AMMECR1: variants seen among roughly 807,000 people sequenced by gnomAD.
AMMECR1 encodes the protein nuclear protein AMMECR1.
Under a neutral mutation model 22.5 loss-of-function variants are expected in AMMECR1, and 3 were observed. The observed-to-expected ratio is 0.13, with a 90% CI of 0.06 to 0.35. The LOEUF is 0.35. Ranked by LOEUF, AMMECR1 falls within the 10% of genes least tolerant of loss-of-function variation. The probability of loss-of-function intolerance (pLI) is 1.00; values close to 1 mark genes in which losing one functional copy is unlikely to be tolerated. For missense variants in AMMECR1, 235 were observed against 278.7 expected (o/e 0.84, Z 1.12); for synonymous variants, 130 against 116.7 (o/e 1.11, Z -0.74).
intron 2 of AMMECR1, among the ~76,000 whole-genome samples, chrX:110,263,425 C>T (rs191860808): frequency 9.0e-6 from 1 of 111,403 alleles, no homozygotes; most frequent in East Asian, 2.8e-4. Flanking sequence ...CTGAGAAAAC[C>T]CTGCAGCTGT....
chrX:110,337,609 A>G (rs2068146133), intron 2 of AMMECR1, among the ~76,000 whole-genome samples: 1 of 111,831 alleles, frequency 8.9e-6, no homozygotes, highest in Non-Finnish European at 1.9e-5. Flanking sequence ...ACTCTTGTAT[A>G]CAGTTGGTGG....
intron 1 of AMMECR1, among the ~76,000 whole-genome samples, chrX:110,311,718 G>A (rs757471373): frequency 3.4e-4 from 38 of 111,923 alleles, no homozygotes; most frequent in Non-Finnish European, 6.4e-4. Context: ...CTTCCTTTGG[G>A]TTATTTTCTT....
At chrX:110,437,719 G>A (rs2068849416) in intron 1 of AMMECR1, among the ~76,000 whole-genome samples, 1 of 111,591 alleles carries the variant, frequency 9.0e-6, no homozygotes, top group African/African-American at 3.3e-5. Flanking sequence ...AGGGTGGGAA[G>A]GGGGTCTCAA....
At chrX:110,318,360 C>G (rs2068064807), upstream of AMMECR1, 1 of 111,714 alleles carries the variant, frequency 9.0e-6, no homozygotes. Context: ...TCTCTCCGGC[C>G]GGCAGAGGTT....
chrX:110,231,954 A>G (rs1349265321), intron 2 of AMMECR1, among the ~76,000 whole-genome samples: 1 of 111,959 alleles, frequency 8.9e-6, no homozygotes, highest in East Asian at 2.8e-4. Context: ...TCAATGCAAC[A>G]AGAAGAGCTA....
At chrX:110,229,500 T>C (rs182891240) in intron 2 of AMMECR1, among the ~76,000 whole-genome samples, 2 of 112,009 alleles carry the variant, frequency 1.8e-5, no homozygotes, top group African/African-American at 3.3e-5. Context: ...AGAAAGGAAA[T>C]AGCTTCATTT....
chrX:110,390,343 CAA>C (rs1392478955), intron 2 of AMMECR1, among the ~76,000 whole-genome samples: 1 of 111,632 alleles, frequency 9.0e-6, no homozygotes, highest in African/African-American at 3.3e-5. Flanking sequence ...TTTTAAATTT[CAA>C]AGTGAAAATA....
chrX:110,323,263 G>A (rs1424575098), intron 2 of AMMECR1, among the ~76,000 whole-genome samples: 1 of 111,708 alleles, frequency 9.0e-6, no homozygotes, highest in African/African-American at 3.3e-5. Flanking sequence ...ATTCACAAAG[G>A]ATACCATCCA....
chrX:110,238,174 C>T (rs964726380), intron 2 of AMMECR1, among the ~76,000 whole-genome samples: 1 of 111,767 alleles, frequency 8.9e-6, no homozygotes. Flanking sequence ...ACAAGCAAAT[C>T]GGTGTCACTA....
chrX:110,213,087 T>C (rs2148168653), intron 3 of AMMECR1, among the ~76,000 whole-genome samples: 1 of 112,382 alleles, frequency 8.9e-6, no homozygotes, highest in African/African-American at 3.2e-5. Flanking sequence ...ATAAAGTTTA[T>C]TTTCCATTTT....
At chrX:110,243,612 A>G (rs1319815135) in intron 2 of AMMECR1, among the ~76,000 whole-genome samples, 1 of 112,019 alleles carries the variant, frequency 8.9e-6, no homozygotes, top group Non-Finnish European at 1.9e-5. Context: ...ATAAGAACAG[A>G]TATTTAAATT....
intron 2 of AMMECR1, among the ~76,000 whole-genome samples, chrX:110,263,715 T>C (rs1336061587): frequency 1.3e-4 from 15 of 111,817 alleles, no homozygotes; most frequent in African/African-American, 3.9e-4. Flanking sequence ...ACTGTGCATA[T>C]TACAACTATA....
At chrX:110,254,348 AT>A (rs1275091750) in intron 2 of AMMECR1, among the ~76,000 whole-genome samples, 1 of 111,801 alleles carries the variant, frequency 8.9e-6, no homozygotes, top group Non-Finnish European at 1.9e-5. Flanking sequence ...TTGCATGTTT[AT>A]TTTAAATAAC....
intron 2 of AMMECR1, among the ~76,000 whole-genome samples, chrX:110,244,443 A>C (rs1186744035): frequency 9.0e-6 from 1 of 111,719 alleles, no homozygotes. Flanking sequence ...TATCTTCTCC[A>C]TATCCCCACT....
At chrX:110,432,905 G>A (rs1323601766) in intron 1 of AMMECR1, among the ~76,000 whole-genome samples, 2 of 112,818 alleles carry the variant, frequency 1.8e-5, no homozygotes, top group Admixed American at 9.3e-5. Flanking sequence ...TCTAGGAGAA[G>A]CATTTTATAG....
chrX:110,336,319 C>G (rs1484086944), intron 2 of AMMECR1, among the ~76,000 whole-genome samples: 2 of 110,613 alleles, frequency 1.8e-5, no homozygotes, highest in African/African-American at 3.3e-5. Context: ...GTATATATAC[C>G]CCTGGTGGTA....
chrX:110,328,514 C>CCT (rs2068107251), intron 2 of AMMECR1, among the ~76,000 whole-genome samples: 1 of 92,148 alleles, frequency 1.1e-5, no homozygotes, highest in African/African-American at 4.2e-5. Context: ...ATGTGCAGAA[C>CCT]ATGCAGGTTT....
intron 2 of AMMECR1, among the ~76,000 whole-genome samples, chrX:110,411,766 C>T (rs987742281): frequency 8.9e-6 from 1 of 112,464 alleles, no homozygotes; most frequent in Admixed American, 9.4e-5. Context: ...ATTTTCTTTA[C>T]AGCACTTACC....
intron 2 of AMMECR1, among the ~76,000 whole-genome samples, chrX:110,339,101 C>G (rs990860857): frequency 2.7e-5 from 3 of 111,474 alleles, no homozygotes; most frequent in African/African-American, 9.8e-5. Flanking sequence ...CAAGCCAGTC[C>G]TCACTGGTGC....
Sources: gnomAD v4.1 joint callset for allele counts (sites outside exome capture counted in the v4.1 genomes callset) on GRCh38, gnomAD v4.1.1 for gene constraint, MANE v1.5 for transcripts, NCBI Gene and HGNC (gene_info 2026-07-23, HGNC 2026-07-21) for gene names.